The following ARHGAP12 variants were observed in gnomAD, a reference collection of about 807,000 sequenced individuals.
ARHGAP12 encodes the protein Rho GTPase activating protein 12, also known as rho GTPase-activating protein 12.
ARHGAP12 carries 64 observed loss-of-function variants against 108.6 expected under a neutral mutation model. The ratio of observed to expected loss-of-function variants is 0.59; its 90% CI spans 0.48 to 0.73. The LOEUF (loss-of-function observed/expected upper bound fraction) is 0.73. ARHGAP12 is among the 30% of genes least tolerant of loss of function. The probability of loss-of-function intolerance (pLI) is 0.00; values close to 1 mark genes in which losing one functional copy is unlikely to be tolerated. For missense variants in ARHGAP12, 940 were observed against 1,005.9 expected, an observed-to-expected ratio of 0.93 and a Z score of 0.89; for synonymous variants, 312 against 337.2, an observed-to-expected ratio of 0.93 and a Z score of 0.82.
chr10:31,809,190 G>C (rs368668457), intron 17 of ARHGAP12, 40 bp downstream of exon 17: 5 of 1,612,892 alleles, frequency 3.1e-6, no homozygotes, highest in Non-Finnish European at 8.5e-7. Flanking sequence ...AAAAAGTTAT[G>C]AGTGATGCAT....
chr10:31,902,200 G>C (rs948819880), intron 3 of ARHGAP12, among the ~76,000 whole-genome samples: 2 of 151,854 alleles, frequency 1.3e-5, no homozygotes, highest in Non-Finnish European at 2.9e-5. Flanking sequence ...GAATGAAACA[G>C]AATAGAGGAC....
At chr10:31,918,935 C>T (rs942177080) in intron 1 of ARHGAP12, among the ~76,000 whole-genome samples, 3 of 152,190 alleles carry the variant, frequency 2.0e-5, no homozygotes, top group Admixed American at 2.0e-4. Flanking sequence ...ATTTGTATAT[C>T]CATGTTCACA....
At chr10:31,865,908 T>C (rs372441060) in intron 3 of ARHGAP12, among the ~76,000 whole-genome samples, 3 of 150,268 alleles carry the variant, frequency 2.0e-5, no homozygotes, top group South Asian at 2.1e-4. Context: ...GCTAAAAATA[T>C]AGAAGTCATT....
intron 6 of ARHGAP12, among the ~76,000 whole-genome samples, chr10:31,852,065 C>T (rs1480160678): frequency 6.6e-6 from 1 of 152,186 alleles, no homozygotes; most frequent in African/African-American, 2.4e-5. Context: ...CATCTTATCA[C>T]ATGTTGCCTA....
chr10:31,919,267 T>G (rs939514734), intron 1 of ARHGAP12, among the ~76,000 whole-genome samples: 1 of 152,106 alleles, frequency 6.6e-6, no homozygotes, highest in Non-Finnish European at 1.5e-5. Context: ...GGAGTTTCAG[T>G]TTAGAAAGAT....
At chr10:31,886,730 C>A (rs1017816891) in intron 3 of ARHGAP12, among the ~76,000 whole-genome samples, 1 of 152,162 alleles carries the variant, frequency 6.6e-6, no homozygotes, top group Admixed American at 6.6e-5. Flanking sequence ...TGCTCTCCCC[C>A]TCAAATAATG....
chr10:31,862,618 G>T (rs1837157409), intron 3 of ARHGAP12, among the ~76,000 whole-genome samples: 1 of 151,768 alleles, frequency 6.6e-6, no homozygotes, highest in Admixed American at 6.6e-5. Flanking sequence ...AAAGTTATTT[G>T]TTGTAAGGGC....
At chr10:31,870,589 CAG>C (rs1837504334) in intron 3 of ARHGAP12, among the ~76,000 whole-genome samples, 1 of 152,026 alleles carries the variant, frequency 6.6e-6, no homozygotes, top group Admixed American at 6.5e-5. Context: ...GGCCAGTTAA[CAG>C]AGTACAAAAA....
chr10:31,836,875 A>G (rs2808099), intron 9 of ARHGAP12, among the ~76,000 whole-genome samples: 117,002 of 151,996 alleles, frequency 0.77, 45,988 homozygotes, highest in African/African-American at 0.93. Flanking sequence ...AAGGAATGCC[A>G]TCTGGTGATG....
At chr10:31,810,836 C>A (rs557247975) in intron 15 of ARHGAP12, 89 bp from the exon 16 acceptor site, 21 of 932,598 alleles carry the variant, frequency 2.3e-5, no homozygotes, top group East Asian at 2.0e-4. Flanking sequence ...ACAGAAACAT[C>A]CAGCGTAACC....
intron 3 of ARHGAP12, among the ~76,000 whole-genome samples, chr10:31,887,305 A>T (rs923602734): frequency 6.6e-6 from 1 of 152,170 alleles, no homozygotes; most frequent in African/African-American, 2.4e-5. Flanking sequence ...TACAGAGGGT[A>T]ATCTGCTTTA....
At chr10:31,836,455 A>C (rs894978173) in intron 9 of ARHGAP12, among the ~76,000 whole-genome samples, 1 of 152,232 alleles carries the variant, frequency 6.6e-6, no homozygotes, top group African/African-American at 2.4e-5. Flanking sequence ...GACTACAAAA[A>C]GTAACAATCA....
chr10:31,824,136 G>A (rs1452120968), intron 11 of ARHGAP12, among the ~76,000 whole-genome samples: 1 of 151,870 alleles, frequency 6.6e-6, no homozygotes, highest in African/African-American at 2.4e-5. Flanking sequence ...ATTAGTTCTC[G>A]CTCCCTTAAA....
intron 1 of ARHGAP12, among the ~76,000 whole-genome samples, chr10:31,916,140 T>C (rs980921071): frequency 2.6e-5 from 4 of 152,126 alleles, no homozygotes; most frequent in African/African-American, 9.7e-5. Flanking sequence ...ACTATACCCA[T>C]CACCACACGC....
At position 31,852,651 on chromosome 10, in the gene ARHGAP12, G is replaced by C. The variant is rs556811895; in HGVS notation, c.1090-54C>G. ...TAAATTTAAATAAAAGTGAGTTTAAGCTACTACTATCAGAGATACTAGATT... is the reference window on the plus strand; with the variant it reads ...TAAATTTAAATAAAAGTGAGTTTAACCTACTACTATCAGAGATACTAGATT... On this transcript the variant is annotated intron_variant, in intron 5 of 19. Coordinates refer to ENST00000344936, the MANE Select transcript of ARHGAP12 (RefSeq NM_018287.7). 66 of 1,163,476 alleles carry C rather than the reference G, an allele frequency of 5.7e-5. No homozygotes were observed. In the South Asian group the frequency reaches 8.2e-4, roughly 15 times the overall value. 72.1% of individuals were successfully genotyped at this position (1,163,476 alleles called of 1,614,324 possible). A position where few individuals can be genotyped will look rare whatever the true frequency, so the allele number is the denominator to read the frequency against.
At chr10:31,813,275 GATATAA>G (rs891711582) in intron 14 of ARHGAP12, among the ~76,000 whole-genome samples, 9 of 151,958 alleles carry the variant, frequency 5.9e-5, no homozygotes, top group Non-Finnish European at 8.8e-5. Flanking sequence ...AATATATAGA[GATATAA>G]ATATAGACAT....
chr10:31,810,073 T>C (rs1834958946), intron 16 of ARHGAP12, among the ~76,000 whole-genome samples: 1 of 152,150 alleles, frequency 6.6e-6, no homozygotes, highest in Admixed American at 6.5e-5. Flanking sequence ...CAAAATCTCT[T>C]TCATGATATA....
At chr10:31,886,029 A>G (rs151153542) in intron 3 of ARHGAP12, among the ~76,000 whole-genome samples, 255 of 152,312 alleles carry the variant, frequency 1.7e-3, no homozygotes, top group African/African-American at 5.7e-3. Flanking sequence ...CTTGACTGTT[A>G]TAACAGACTT....
intron 13 of ARHGAP12, among the ~76,000 whole-genome samples, chr10:31,814,652 G>A (rs771487525): frequency 1.3e-5 from 2 of 152,050 alleles, no homozygotes; most frequent in African/African-American, 4.8e-5. Flanking sequence ...CTGTATATTA[G>A]TGACACTAAC....
Sources: allele counts gnomAD v4.1 joint callset (sites outside exome capture counted in the v4.1 genomes callset), GRCh38; gene constraint gnomAD v4.1.1; transcripts MANE v1.5; gene names NCBI Gene and HGNC (gene_info 2026-07-23, HGNC 2026-07-21).